The following FLNB variants were observed in gnomAD, a reference collection of about 807,000 sequenced individuals.
FLNB encodes filamin-B.
In FLNB, 111 loss-of-function variants were observed where a neutral mutation model predicts 250.6. The observed-to-expected ratio is 0.44, with a 90% CI of 0.38 to 0.52. The LOEUF (loss-of-function observed/expected upper bound fraction) is 0.52. Among genes scored for constraint, FLNB ranks in the 20% least tolerant of loss-of-function variants. The pLI, the probability that FLNB is intolerant of heterozygous loss-of-function variation, is 0.00. For missense variants in FLNB, 2,869 were observed against 3,447.8 expected (o/e 0.83, Z 4.20); for synonymous variants, 1,302 against 1,372.1 (o/e 0.95, Z 1.13).
intron 23 of FLNB, among the ~76,000 whole-genome samples, chr3:58,126,118 T>G (rs2097297439): frequency 6.6e-6 from 1 of 152,240 alleles, no homozygotes. Context: ...GGCTCACACC[T>G]GTAATCTCAG....
chr3:58,119,317 A>C (rs2097284397), intron 19 of FLNB, among the ~76,000 whole-genome samples: 1 of 152,216 alleles, frequency 6.6e-6, no homozygotes, highest in Non-Finnish European at 1.5e-5. Context: ...CTGGCATTGC[A>C]GTAGGAAGTT....
intron 5 of FLNB, 66 bp downstream of exon 5, chr3:58,095,020 C>G: frequency 8.2e-7 from 1 of 1,225,342 alleles, no homozygotes; most frequent in Non-Finnish European, 1.2e-6. Context: ...TGTAATGCGG[C>G]CAGGGACTGT....
At chr3:58,126,116 C>T (rs1022660737) in intron 23 of FLNB, among the ~76,000 whole-genome samples, 3 of 152,206 alleles carry the variant, frequency 2.0e-5, no homozygotes, top group Non-Finnish European at 4.4e-5. Flanking sequence ...GCGGCTCACA[C>T]CTGTAATCTC....
At position 58,008,874 on chromosome 3, in the gene FLNB, G is replaced by GC; in HGVS notation, c.292+21dup. 6.2e-7 allele frequency: 1 copy of GC among 1,613,272 alleles called. No homozygotes were observed. Among genetic ancestry groups the GC allele is most frequent in the Non-Finnish European group, 8.5e-7 (1 of 1,179,880 alleles). ...GTCCATCGGTGAGTTCTCTGGCCGG[G>GC]CCCAGGCGCCCACTGTGGTGCCGAC... is the stretch of plus-strand genomic sequence containing the variant. On this transcript the variant is annotated intron_variant, in intron 1 of 45. Coordinates refer to ENST00000295956, the MANE Select transcript of FLNB (RefSeq NM_001457.4).
In FLNB at chr3:58,149,950, C is replaced by T. The variant is rs369862412; in HGVS notation, c.6192C>T (p.Thr2064=). The part of the protein sequence containing the change: ...DGTCKVSYFP[T]VPGVYIVSTK... ...CCTGCAAAGTCTCCTACTTCCCTAC[C>T]GTGCCTGGGGTTTATATCGTCTCCA... The change falls in exon 37 of 46, where the codon ACC becomes ACT. Residue 2064 remains threonine (T), a synonymous_variant. Transcript: ENST00000295956. 22 of 1,614,098 alleles carry T rather than the reference C, an allele frequency of 1.4e-5. No individual in the cohort carries two copies. The highest frequency in any genetic ancestry group is 3.3e-5 in the South Asian group (3 of 91,092).
At chr3:58,131,215 AG>A (rs2097306801) in intron 25 of FLNB, among the ~76,000 whole-genome samples, 1 of 151,838 alleles carries the variant, frequency 6.6e-6, no homozygotes, top group Non-Finnish European at 1.5e-5. Flanking sequence ...AGCATTTGTG[AG>A]GGGGTGGGTT....
At chr3:58,168,339 C>T in intron 43 of FLNB, 101 bp from the exon 44 acceptor site, 2 of 895,052 alleles carry the variant, frequency 2.2e-6, no homozygotes, top group Admixed American at 2.0e-5. Flanking sequence ...CAGGGTGAGC[C>T]CTCTGTAAGG....
intron 1 of FLNB, among the ~76,000 whole-genome samples, chr3:58,037,486 T>G (rs1209060958): frequency 6.6e-6 from 1 of 152,224 alleles, no homozygotes; most frequent in African/African-American, 2.4e-5. Context: ...CCTTCACCCT[T>G]GCCTCCCGCT....
At position 58,132,928 on chromosome 3, in the gene FLNB, G is replaced by C. The variant is rs111498181; in HGVS notation, c.4511G>C (p.Arg1504Pro). ...AAATATGCTGATGAAGAGATTCCTC[G>C]CAGGTAAGCTCCATCCATCTGCCCA... ...SVKYADEEIP[R>P]SPFKVKVLPT... is the part of the protein sequence containing the mutation. Residue 1504 changes from arginine (R) to proline (P), a missense_variant, in exon 26 of 46, where the codon CGC becomes CCC. Physicochemically the swap from Arg to Pro is moderately radical, Grantham distance 103 (BLOSUM62 -2). Coordinates refer to ENST00000295956, the MANE Select transcript of FLNB (RefSeq NM_001457.4). 6.2e-7 allele frequency: 1 copy of C among 1,612,448 alleles called. No individual in the cohort carries two copies. The highest frequency in any genetic ancestry group is 2.2e-5 in the East Asian group (1 of 44,864).
At chr3:58,112,455 G>C in intron 18 of FLNB, 137 bp downstream of exon 18, 1 of 863,914 alleles carries the variant, frequency 1.2e-6, no homozygotes, top group South Asian at 1.4e-5. Context: ...GCAGCTCCTG[G>C]CACTTTGAAC....
intron 3 of FLNB, among the ~76,000 whole-genome samples, 170 bp from the exon 4 acceptor site, chr3:58,081,459 T>C (rs2097209160): frequency 6.6e-6 from 1 of 152,206 alleles, no homozygotes; most frequent in Admixed American, 6.5e-5. Flanking sequence ...TTCTCAAAAA[T>C]GGTTAAAAAC....
chr3:58,009,324 A>G (rs766490342), intron 1 of FLNB, among the ~76,000 whole-genome samples: 5 of 152,108 alleles, frequency 3.3e-5, no homozygotes, highest in Non-Finnish European at 7.4e-5. Context: ...GTGAGACCTG[A>G]GGAGGAACCG....
chr3:58,125,964 A>G (rs2097297113), intron 23 of FLNB, among the ~76,000 whole-genome samples: 1 of 152,258 alleles, frequency 6.6e-6, no homozygotes, highest in Admixed American at 6.5e-5. Context: ...CCAGGAGTCA[A>G]TCAAGCTCTA....
intron 41 of FLNB, among the ~76,000 whole-genome samples, chr3:58,157,509 C>T (rs570973569): frequency 1.3e-5 from 2 of 152,326 alleles, no homozygotes; most frequent in Admixed American, 1.3e-4. Context: ...TCAGTCCACA[C>T]ATTGAAGCGG....
At chr3:58,146,091 T>G in intron 33 of FLNB, 42 bp downstream of exon 33, 1 of 1,611,140 alleles carries the variant, frequency 6.2e-7, no homozygotes, top group African/African-American at 1.3e-5. Context: ...CAGCTGTCCA[T>G]TTGGAGGGTG....
At chr3:58,148,170 A>G (rs1257127794) in intron 34 of FLNB, 36 bp from the exon 35 acceptor site, 1 of 1,612,850 alleles carries the variant, frequency 6.2e-7, no homozygotes, top group African/African-American at 1.3e-5. Flanking sequence ...GGGTAACCAC[A>G]TGTAACGGGA....
At chr3:58,139,046 T>C in intron 29 of FLNB, among the ~76,000 whole-genome samples, 1 of 152,236 alleles carries the variant, frequency 6.6e-6, no homozygotes, top group Non-Finnish European at 1.5e-5. Flanking sequence ...CCTCGTCTTT[T>C]GCAGCTAGGA....
chr3:58,066,139 T>C (rs148974225), intron 1 of FLNB, among the ~76,000 whole-genome samples: 2 of 152,330 alleles, frequency 1.3e-5, no homozygotes, highest in East Asian at 1.9e-4. Flanking sequence ...AAACTTAGTT[T>C]AGAACGCAAT....
intron 42 of FLNB, 94 bp downstream of exon 42, chr3:58,159,780 C>T: frequency 7.5e-7 from 1 of 1,331,356 alleles, no homozygotes; most frequent in South Asian, 1.2e-5. Flanking sequence ...TGATCAGTTT[C>T]ATTACTGCCA....
Sources: gnomAD v4.1 joint callset for allele counts (sites outside exome capture counted in the v4.1 genomes callset) on GRCh38, gnomAD v4.1.1 for gene constraint, MANE v1.5 for transcripts, NCBI Gene and HGNC (gene_info 2026-07-23, HGNC 2026-07-21) for gene names.